SPMIP2: variants seen among roughly 807,000 people sequenced by gnomAD.
SPMIP2 encodes sperm microtubule inner protein 2.
At chr4:158,954,422 A>G in the SPMIP2 span, among the ~76,000 whole-genome samples, 2 of 152,176 alleles carry the variant, frequency 1.3e-5, no homozygotes, top group East Asian at 1.9e-4. Flanking sequence ...CCAATTAAAC[A>G]TCTTTTTCTT....
chr4:158,962,285 T>C, the SPMIP2 span, among the ~76,000 whole-genome samples: 4 of 152,314 alleles, frequency 2.6e-5, no homozygotes, highest in South Asian at 8.3e-4. Flanking sequence ...AGGAAGTCTT[T>C]TGGGGACTGT....
the SPMIP2 span, among the ~76,000 whole-genome samples, chr4:159,044,486 A>G: frequency 1.3e-5 from 2 of 151,890 alleles, no homozygotes; most frequent in African/African-American, 4.8e-5. Context: ...CCTAGATGGG[A>G]GAAGTTAAAA....
chr4:158,969,158 A>C, the SPMIP2 span, among the ~76,000 whole-genome samples: 1 of 152,186 alleles, frequency 6.6e-6, no homozygotes, highest in Non-Finnish European at 1.5e-5. Flanking sequence ...AAATGACTTA[A>C]ATCATTTTGT....
the SPMIP2 span, among the ~76,000 whole-genome samples, chr4:159,022,891 A>G: frequency 6.6e-6 from 1 of 152,072 alleles, no homozygotes; most frequent in African/African-American, 2.4e-5. Flanking sequence ...TTAGCTGGGC[A>G]TGGTGGCACC....
At chr4:159,002,200 T>A in the SPMIP2 span, among the ~76,000 whole-genome samples, 7 of 152,340 alleles carry the variant, frequency 4.6e-5, no homozygotes, top group Admixed American at 4.6e-4. Flanking sequence ...TTGTTTCTGT[T>A]CCTTATGGAT....
At chr4:159,022,407 T>C in the SPMIP2 span, among the ~76,000 whole-genome samples, 1 of 152,234 alleles carries the variant, frequency 6.6e-6, no homozygotes, top group East Asian at 1.9e-4. Flanking sequence ...TCCCATCTTC[T>C]GATCTTCCTA....
chr4:158,933,753 G>A, the SPMIP2 span, among the ~76,000 whole-genome samples: 2 of 151,112 alleles, frequency 1.3e-5, no homozygotes, highest in African/African-American at 4.9e-5. Context: ...TATTCTTTCT[G>A]TTCCTTTACC....
the SPMIP2 span, among the ~76,000 whole-genome samples, chr4:159,018,386 T>C: frequency 6.6e-6 from 1 of 152,150 alleles, no homozygotes; most frequent in Admixed American, 6.5e-5. Flanking sequence ...ATCTAGGACA[T>C]GTAGTCCAAT....
the SPMIP2 span, among the ~76,000 whole-genome samples, chr4:158,932,081 G>A: frequency 6.6e-6 from 1 of 152,038 alleles, no homozygotes; most frequent in East Asian, 1.9e-4. Context: ...ATTGAGGCCA[G>A]GAGTTCAAGA....
chr4:159,002,766 G>GCACACACA, the SPMIP2 span, among the ~76,000 whole-genome samples: 293 of 148,184 alleles, frequency 2.0e-3, 1 homozygote, highest in Admixed American at 4.8e-3. Context: ...ACATATCACT[G>GCACACACA]CACACACACA....
the SPMIP2 span, among the ~76,000 whole-genome samples, chr4:158,949,408 T>C: frequency 6.6e-6 from 1 of 152,244 alleles, no homozygotes; most frequent in East Asian, 1.9e-4. Flanking sequence ...TTAACAACAC[T>C]ATCTATACAA....
chr4:159,036,902 T>C, the SPMIP2 span, among the ~76,000 whole-genome samples: 1 of 152,326 alleles, frequency 6.6e-6, no homozygotes, highest in East Asian at 1.9e-4. Context: ...TGAAAGTATC[T>C]TTCTTTGAAA....
the SPMIP2 span, among the ~76,000 whole-genome samples, chr4:158,990,954 T>C: frequency 6.6e-6 from 1 of 152,206 alleles, no homozygotes; most frequent in African/African-American, 2.4e-5. Flanking sequence ...CAGGCTGAAG[T>C]GCAGTTGCTA....
chr4:158,966,227 G>T, the SPMIP2 span, among the ~76,000 whole-genome samples: 1 of 152,168 alleles, frequency 6.6e-6, no homozygotes, highest in Non-Finnish European at 1.5e-5. Context: ...CCTGGGAAAA[G>T]AAATCTCCAG....
the SPMIP2 span, among the ~76,000 whole-genome samples, chr4:159,057,648 C>T: frequency 2.6e-5 from 4 of 151,938 alleles, no homozygotes; most frequent in Non-Finnish European, 5.9e-5. Context: ...ATGTTTATTG[C>T]CTCATTATAT....
At chr4:158,948,044 A>G in the SPMIP2 span, among the ~76,000 whole-genome samples, 44 of 152,266 alleles carry the variant, frequency 2.9e-4, no homozygotes, top group African/African-American at 9.9e-4. Context: ...TTTAGCCCAT[A>G]TGGTTCTAGT....
chr4:158,924,791 T>G, the SPMIP2 span, among the ~76,000 whole-genome samples: 2 of 151,712 alleles, frequency 1.3e-5, no homozygotes, highest in Non-Finnish European at 2.9e-5. Flanking sequence ...ACTCCAGGCA[T>G]GTACCACCAT....
chr4:159,036,877 C>G, the SPMIP2 span, among the ~76,000 whole-genome samples: 7 of 152,172 alleles, frequency 4.6e-5, no homozygotes, highest in African/African-American at 1.7e-4. Context: ...TAGTCAAGGG[C>G]TCTCTATCTC....
At chr4:158,963,940 G>A in the SPMIP2 span, among the ~76,000 whole-genome samples, 2 of 152,014 alleles carry the variant, frequency 1.3e-5, no homozygotes. Flanking sequence ...CAGATCATGA[G>A]GTCAGGAGAT....
Sources: gnomAD v4.1 joint callset for allele counts (sites outside exome capture counted in the v4.1 genomes callset) on GRCh38, gnomAD v4.1.1 for gene constraint, MANE v1.5 for transcripts, NCBI Gene and HGNC (gene_info 2026-07-23, HGNC 2026-07-21) for gene names.